Variants in PTPRM observed in about 807,000 individuals in gnomAD.
The protein encoded by PTPRM is protein tyrosine phosphatase receptor type M.
Under a neutral mutation model 186.7 loss-of-function variants are expected in PTPRM, and 47 were observed. That is an observed-to-expected ratio of 0.25 (90% CI 0.20 to 0.32). The LOEUF (loss-of-function observed/expected upper bound fraction) is 0.32, where lower values mean the gene tolerates loss of function less well. PTPRM is among the 10% of genes least tolerant of loss of function. The pLI, the probability that PTPRM is intolerant of heterozygous loss-of-function variation, is 1.00. For missense variants in PTPRM, 1,494 were observed against 1,865.0 expected (o/e 0.80, Z 3.66); for synonymous variants, 668 against 674.9 (o/e 0.99, Z 0.16).
intron 2 of PTPRM, among the ~76,000 whole-genome samples, chr18:7,870,599 A>G (rs1177310864): frequency 6.6e-6 from 1 of 152,190 alleles, no homozygotes; most frequent in Non-Finnish European, 1.5e-5. Flanking sequence ...TTAACTCTAA[A>G]TTGATGGTAC....
chr18:8,300,396 G>A (rs1256388208), intron 20 of PTPRM, among the ~76,000 whole-genome samples: 1 of 151,468 alleles, frequency 6.6e-6, no homozygotes. Context: ...GAAATGAACA[G>A]AAATGCCACA....
chr18:7,991,117 T>C (rs976299255), intron 7 of PTPRM, among the ~76,000 whole-genome samples: 5 of 152,222 alleles, frequency 3.3e-5, no homozygotes, highest in African/African-American at 1.2e-4. Context: ...TTTCTGCATC[T>C]TCCATGACCT....
rs529690366 is a variant in PTPRM, at chr18:7,894,324, C to T, written c.468+5947C>T. ...TTTCCAAGCCAGGCATGGTGGCTCA[C>T]GCCTGTAATCCCAGCACTTTGGGAG... On this transcript the variant is annotated intron_variant, in intron 3 of 32. Coordinates refer to ENST00000580170, the MANE Select transcript of PTPRM (RefSeq NM_001105244.2). Among the ~76,000 whole-genome samples the T allele has an allele frequency of 3.2e-3, 487 of 152,230 alleles. 2 individuals carry two copies. Among genetic ancestry groups the T allele is most frequent in the African/African-American group, 9.5e-3 (393 of 41,558 alleles).
chr18:8,349,719 T>C (rs928854639), intron 23 of PTPRM, among the ~76,000 whole-genome samples: 1 of 152,234 alleles, frequency 6.6e-6, no homozygotes, highest in Non-Finnish European at 1.5e-5. Context: ...CCTATTCTTA[T>C]CATTCAGGCT....
intron 6 of PTPRM, among the ~76,000 whole-genome samples, chr18:7,954,198 GAA>G (rs1724760144): frequency 6.6e-6 from 1 of 152,152 alleles, no homozygotes; most frequent in Non-Finnish European, 1.5e-5. Context: ...AATGATATAG[GAA>G]AGAGTCGGTC....
intron 5 of PTPRM, among the ~76,000 whole-genome samples, chr18:7,943,857 T>A (rs146518556): frequency 6.6e-6 from 1 of 152,314 alleles, no homozygotes; most frequent in Admixed American, 6.5e-5. Context: ...CTCTAGACCC[T>A]TATTTTAATC....
chr18:8,291,827 G>T (rs2095046125), intron 19 of PTPRM, among the ~76,000 whole-genome samples: 1 of 150,864 alleles, frequency 6.6e-6, no homozygotes, highest in Non-Finnish European at 1.5e-5. Flanking sequence ...GTGTTTATTA[G>T]TGATTATGCC....
rs75140157 is a variant in PTPRM, at chr18:8,387,308, A to T, written c.4208+73A>T. On this transcript the variant is annotated intron_variant, in intron 31 of 32. Coordinates refer to ENST00000580170, the MANE Select transcript of PTPRM (RefSeq NM_001105244.2). ...CTCACTCTCACCTCCTAGTTCTCTG[A>T]CTTTTGTTTCACTAGAAATGGAGAA... is the stretch of plus-strand genomic sequence containing the variant. 8.9e-3 allele frequency: 12,789 copies of T among 1,437,830 alleles called. 763 individuals carry two copies. The African/African-American group carries it at 0.14, about 16-fold the overall frequency. The allele number at this position is 1,437,830 out of a possible 1,614,324, so 89.1% of individuals were successfully genotyped here. A position where few individuals can be genotyped will look rare whatever the true frequency, so the allele number is the denominator to read the frequency against.
intron 22 of PTPRM, among the ~76,000 whole-genome samples, chr18:8,331,129 C>T (rs2095410175): frequency 6.6e-6 from 1 of 152,136 alleles, no homozygotes; most frequent in Admixed American, 6.5e-5. Flanking sequence ...CACAGTGGTA[C>T]CACTGCAACC....
At chr18:8,174,795 G>T (rs2093457508) in intron 14 of PTPRM, among the ~76,000 whole-genome samples, 1 of 152,138 alleles carries the variant, frequency 6.6e-6, no homozygotes, top group African/African-American at 2.4e-5. Flanking sequence ...CAGACTTCCT[G>T]CATGTGCCCA....
intron 19 of PTPRM, among the ~76,000 whole-genome samples, chr18:8,274,321 A>T (rs1302307836): frequency 6.6e-6 from 1 of 152,202 alleles, no homozygotes; most frequent in Non-Finnish European, 1.5e-5. Context: ...AAATTTTTAA[A>T]TTTATGTGTT....
intron 22 of PTPRM, among the ~76,000 whole-genome samples, chr18:8,321,050 C>T (rs1450174363): frequency 6.6e-6 from 1 of 152,138 alleles, no homozygotes; most frequent in Admixed American, 6.5e-5. Flanking sequence ...TTCATCAATG[C>T]CGTTAGAGGA....
chr18:7,799,942 G>C (rs2043867412), intron 2 of PTPRM, among the ~76,000 whole-genome samples: 2 of 152,002 alleles, frequency 1.3e-5, no homozygotes, highest in Admixed American at 6.6e-5. Context: ...CCTTTATGCT[G>C]TCCTTACCTT....
At chr18:7,585,822 G>C (rs1174262506) in intron 1 of PTPRM, among the ~76,000 whole-genome samples, 1 of 152,158 alleles carries the variant, frequency 6.6e-6, no homozygotes, top group Non-Finnish European at 1.5e-5. Context: ...CATTCACATA[G>C]AGTGAATTGG....
At position 8,295,233 on chromosome 18, in the gene PTPRM, C is replaced by A. The variant is rs142635552; in HGVS notation, c.2755-1135C>A. Among the ~76,000 whole-genome samples, 14 of 152,190 alleles carry A rather than the reference C, an allele frequency of 9.2e-5. No individual in the cohort carries two copies. In the East Asian group the frequency reaches 2.7e-3, roughly 29 times the overall value. On this transcript the variant is annotated intron_variant, in intron 19 of 32. Coordinates refer to ENST00000580170, the MANE Select transcript of PTPRM (RefSeq NM_001105244.2). Reference sequence around the variant, plus strand: ...AGCAGTGTCTCCTACTGCAGCAGTGCTAAGCAACAGTTTACCTCATGGGGG... The same window carrying A: ...AGCAGTGTCTCCTACTGCAGCAGTGATAAGCAACAGTTTACCTCATGGGGG...
chr18:8,222,005 G>A (rs1160728928), intron 14 of PTPRM, among the ~76,000 whole-genome samples: 4 of 152,126 alleles, frequency 2.6e-5, no homozygotes, highest in African/African-American at 9.7e-5. Flanking sequence ...TCCATAAATT[G>A]TCTCCCACCA....
At chr18:7,796,486 G>T (rs2043655263) in intron 2 of PTPRM, among the ~76,000 whole-genome samples, 1 of 152,226 alleles carries the variant, frequency 6.6e-6, no homozygotes, top group Non-Finnish European at 1.5e-5. Flanking sequence ...AATTCATTCT[G>T]GGAGAGCAGC....
At chr18:8,171,680 A>G (rs1164490994) in intron 14 of PTPRM, among the ~76,000 whole-genome samples, 1 of 152,168 alleles carries the variant, frequency 6.6e-6, no homozygotes, top group Non-Finnish European at 1.5e-5. Context: ...ATAGAGGCTG[A>G]GATTTTTCCG....
intron 19 of PTPRM, among the ~76,000 whole-genome samples, chr18:8,294,049 G>A (rs1268640398): frequency 2.0e-5 from 3 of 152,070 alleles, no homozygotes; most frequent in Non-Finnish European, 2.9e-5. Flanking sequence ...TAAGGAGTTC[G>A]AGACCAGCCT....
Sources: allele counts gnomAD v4.1 joint callset (sites outside exome capture counted in the v4.1 genomes callset), GRCh38; gene constraint gnomAD v4.1.1; transcripts MANE v1.5; gene names NCBI Gene and HGNC (gene_info 2026-07-23, HGNC 2026-07-21).